GIT2: variants seen among roughly 807,000 people sequenced by gnomAD.
The protein encoded by GIT2 is ARF GTPase-activating protein GIT2.
In GIT2, 32 loss-of-function variants were observed where a neutral mutation model predicts 100.3. The observed-to-expected ratio is 0.32, with a 90% CI of 0.24 to 0.43. The LOEUF (loss-of-function observed/expected upper bound fraction) is 0.43. Ranked by LOEUF, GIT2 falls within the 20% of genes least tolerant of loss-of-function variation. GIT2 has a pLI of 1.00. For synonymous variants in GIT2, 353 were observed against 364.1 expected (o/e 0.97, Z 0.35); for missense variants, 737 against 975.1 (o/e 0.76, Z 3.25).
intron 1 of GIT2, among the ~76,000 whole-genome samples, chr12:109,992,270 C>T (rs1324897267): frequency 1.7e-4 from 25 of 151,226 alleles, no homozygotes; most frequent in Non-Finnish European, 2.9e-5. Context: ...CTTCAGCCTC[C>T]CGAGTAGCTG....
chr12:109,940,741 G>A (rs1412526813), intron 16 of GIT2, among the ~76,000 whole-genome samples: 6 of 152,008 alleles, frequency 3.9e-5, no homozygotes, highest in Non-Finnish European at 8.8e-5. Context: ...TTAGCTGGGT[G>A]TGGTAGTGCA....
Position 109,945,282 on chromosome 12 carries a change from G to A in GIT2, c.1709C>T (p.Ser570Leu), listed in dbSNP as rs370041129. The change falls in exon 16 of 20, where the codon TCG becomes TTG. Residue 570 changes from serine (S) to leucine (L), a missense_variant. Ser to Leu is a moderately radical substitution (Grantham distance 145, BLOSUM62 -2). Around this residue, in one of 3 missense-constraint regions of GIT2, gnomAD observed 451 missense variants for 543.7 expected, o/e 0.83. Coordinates refer to ENST00000355312, the MANE Select transcript of GIT2 (RefSeq NM_057169.5). ...AACCCTTCGGGCGCTTTCGTCCCTC[G>A]ACCAGGAAAGTGTGGAGGGGAAGGA... Reference protein sequence around the residue: ...LPSFPSTLSWSRDESARRASR... With the variant: ...LPSFPSTLSWLRDESARRASR... The A allele has an allele frequency of 2.8e-5, 44 of 1,570,140 alleles. No homozygotes were observed. Among genetic ancestry groups the A allele is most frequent in the Non-Finnish European group, 3.7e-5 (42 of 1,140,368 alleles).
Position 109,991,729 on chromosome 12 carries a change from C to T in GIT2, c.84G>A (p.Thr28=), listed in dbSNP as rs141603248. The T allele has an allele frequency of 5.6e-5, 91 of 1,613,286 alleles. No individual in the cohort carries two copies. Among genetic ancestry groups the T allele is most frequent in the East Asian group, 8.9e-5 (4 of 44,822 alleles). ...DPSWASVNRG[T]FLCDECCSVH... ...CACTGCAGCACTCATCACATAAAAA[C>T]GTTCCCCTATTTACTGATGCCCAGG... Residue 28 remains threonine (T), a synonymous_variant, in exon 2 of 20, where the codon ACG becomes ACA. Coordinates refer to ENST00000355312, the MANE Select transcript of GIT2 (RefSeq NM_057169.5).
chr12:109,995,110 C>A (rs971531229), intron 1 of GIT2, among the ~76,000 whole-genome samples: 2 of 152,152 alleles, frequency 1.3e-5, no homozygotes, highest in Admixed American at 6.5e-5. Flanking sequence ...CACTATTGTG[C>A]CAAGAAAGCC....
At position 109,930,158 on chromosome 12, in the gene GIT2, T is replaced by G. The variant is rs1388314065; in HGVS notation, c.*2820A>C. On this transcript the variant is annotated 3_prime_UTR_variant, in exon 20 of 20. Transcript: ENST00000355312. Reference sequence around the variant, plus strand: ...CGAGTTGTGCGTTTAGAATTCTGATTACATGAAATGCTGTGTTTGATCTTT... The same window carrying G: ...CGAGTTGTGCGTTTAGAATTCTGATGACATGAAATGCTGTGTTTGATCTTT... The G allele has an allele frequency of 6.6e-6, 1 of 152,662 alleles. No homozygotes were observed. The highest frequency in any genetic ancestry group is 6.5e-5 in the Admixed American group (1 of 15,272). 9.5% of individuals were successfully genotyped at this position (152,662 alleles called of 1,614,324 possible). A position where few individuals can be genotyped will look rare whatever the true frequency, so the allele number is the denominator to read the frequency against.
intron 2 of GIT2, among the ~76,000 whole-genome samples, chr12:109,991,166 C>T (rs921986729): frequency 9.2e-5 from 14 of 152,110 alleles, no homozygotes; most frequent in East Asian, 1.9e-4. Flanking sequence ...AAAAATTAGC[C>T]GGGCATGATG....
At chr12:109,986,446 G>A (rs561025107) in intron 4 of GIT2, among the ~76,000 whole-genome samples, 10 of 152,014 alleles carry the variant, frequency 6.6e-5, no homozygotes, top group Non-Finnish European at 1.2e-4. Flanking sequence ...CCTGGCCAAC[G>A]TGGTGAAACC....
intron 16 of GIT2, among the ~76,000 whole-genome samples, chr12:109,941,054 C>T (rs1235017699): frequency 6.6e-6 from 1 of 152,130 alleles, no homozygotes; most frequent in African/African-American, 2.4e-5. Flanking sequence ...GTTTGCTATC[C>T]CCATACACTC....
chr12:109,934,135 G>A lies in GIT2; in HGVS notation c.2004-50C>T, dbSNP rs745466425. 11 of 1,000,292 alleles carry A rather than the reference G, an allele frequency of 1.1e-5. No individual in the cohort carries two copies. Among genetic ancestry groups the A allele is most frequent in the Non-Finnish European group, 1.6e-5 (10 of 619,418 alleles). 62.0% of individuals were successfully genotyped at this position (1,000,292 alleles called of 1,614,324 possible). ...TCAATGACAGTAAAAATGATTCGGA[G>A]GCAAAGAGGACTCAAGTGCTAGAAC... On this transcript the variant is annotated intron_variant, in intron 18 of 19. Transcript: ENST00000355312. This position sits in a 1 kb window ranked among gnomAD's most constrained non-coding sequence, Gnocchi z 4.5.
intron 18 of GIT2, among the ~76,000 whole-genome samples, chr12:109,935,887 T>C (rs1872827680): frequency 6.6e-6 from 1 of 152,194 alleles, no homozygotes; most frequent in South Asian, 2.1e-4. Flanking sequence ...GAAGCCCTCC[T>C]CCTCTAACAG....
Position 109,947,485 on chromosome 12 carries a change from T to C in GIT2, c.1412A>G (p.Glu471Gly). ...MQKKLQTLQS[E>G]NSNLRKQATT... The stretch of plus-strand genomic sequence containing the variant: ...GGCCTGTTTCCTGAGGTTCGAATTT[T>C]CACTCTGGAGTGTTTGAAGCTGAAA... Residue 471 changes from glutamate to glycine, a missense_variant, in exon 15 of 20, where the codon GAA (glutamate) becomes GGA (glycine). Glu to Gly is a moderately conservative substitution (Grantham distance 98). Transcript: ENST00000355312. The surrounding 1 kb of genome is among the most constrained non-coding windows in gnomAD (Gnocchi z 4.3). The C allele has an allele frequency of 6.2e-7, 1 of 1,614,058 alleles. No homozygotes were observed. Among genetic ancestry groups the C allele is most frequent in the Non-Finnish European group, 8.5e-7 (1 of 1,179,910 alleles).
At chr12:109,981,130 C>T (rs1236347492) in intron 6 of GIT2, 84 bp from the exon 7 acceptor site, 10 of 873,730 alleles carry the variant, frequency 1.1e-5, no homozygotes, top group Middle Eastern at 4.3e-4. Context: ...TCCTGAGACA[C>T]CTGAGCAGTT....
chr12:109,967,749 C>T (rs983341005), intron 7 of GIT2, among the ~76,000 whole-genome samples: 2 of 152,136 alleles, frequency 1.3e-5, no homozygotes, highest in Non-Finnish European at 2.9e-5. Context: ...CCAATCACGA[C>T]GATTAGTTTG....
At chr12:109,985,817 C>T (rs1887269405) in intron 4 of GIT2, among the ~76,000 whole-genome samples, 1 of 151,814 alleles carries the variant, frequency 6.6e-6, no homozygotes. Context: ...CGTGCCACTG[C>T]ACTCCAGCCT....
chr12:109,977,162 C>T (rs1159543071), intron 7 of GIT2, among the ~76,000 whole-genome samples: 2 of 152,042 alleles, frequency 1.3e-5, no homozygotes, highest in African/African-American at 4.8e-5. Flanking sequence ...GTTCTGGGTT[C>T]ACAGCTCTTT....
At position 109,993,249 on chromosome 12, in the gene GIT2, G is replaced by A. The variant is rs1202881880; in HGVS notation, c.53-1489C>T. Among the ~76,000 whole-genome samples the A allele has an allele frequency of 2.6e-5, 4 of 152,090 alleles. No homozygotes were observed. The South Asian group carries it at 6.2e-4, about 24-fold the overall frequency. On this transcript the variant is annotated intron_variant, in intron 1 of 19. Transcript: ENST00000355312. ...TCAAATAAAGAAAGAGCTATACTTC[G>A]TCAGACTCACAATGGGGTGACAATA... is the stretch of plus-strand genomic sequence containing the variant.
In GIT2 at chr12:109,938,522, C is replaced by T; in HGVS notation, c.1861G>A (p.Gly621Ser). ...RQRSMVWPGD[G>S]LVPDTAEPHV... Reference sequence around the variant, plus strand: ...GGTTCTGCTGTGTCTGGTACCAAGCCATCCCCTGGCCACACCATACTTCTT... The same window carrying T: ...GGTTCTGCTGTGTCTGGTACCAAGCTATCCCCTGGCCACACCATACTTCTT... Residue 621 changes from glycine to serine, a missense_variant, in exon 18 of 20, where the codon GGC becomes AGC. Physicochemically the swap from Gly to Ser is moderately conservative, Grantham distance 56. This residue lies in a region of GIT2 where 451 missense variants were observed against 543.7 expected (regional missense o/e 0.83). Coordinates refer to ENST00000355312, the MANE Select transcript of GIT2 (RefSeq NM_057169.5). 1 of 1,612,206 alleles carries T rather than the reference C, an allele frequency of 6.2e-7. No individual in the cohort carries two copies. The highest frequency in any genetic ancestry group is 1.7e-5 in the Admixed American group (1 of 59,504).
chr12:109,941,742 A>G (rs1211196019), intron 16 of GIT2, among the ~76,000 whole-genome samples: 1 of 151,932 alleles, frequency 6.6e-6, no homozygotes, highest in African/African-American at 2.4e-5. Flanking sequence ...GCTGGTCTCA[A>G]ACTCCTGACC....
intron 9 of GIT2, 142 bp from the exon 10 acceptor site, chr12:109,961,827 T>C: frequency 3.2e-6 from 2 of 630,204 alleles, no homozygotes; most frequent in Middle Eastern, 5.1e-4. Context: ...TAAACAGACA[T>C]AACATTTTCA....
Sources: gnomAD v4.1 joint callset for allele counts (sites outside exome capture counted in the v4.1 genomes callset) on GRCh38, gnomAD v4.1.1 for gene constraint, gnomAD v4.1.1 regional missense constraint, Gnocchi (gnomAD v3.1) non-coding constraint, MANE v1.5 for transcripts, NCBI Gene and HGNC (gene_info 2026-07-23, HGNC 2026-07-21) for gene names.